The following TACC2 variants were observed in gnomAD, a reference collection of about 807,000 sequenced individuals.
The protein encoded by TACC2 is transforming acidic coiled-coil-containing protein 2.
A neutral mutation model predicts 227.3 loss-of-function variants in TACC2; 137 were observed. The ratio of observed to expected loss-of-function variants is 0.60; its 90% confidence interval spans 0.52 to 0.69. TACC2 has a LOEUF of 0.69. Ranked by LOEUF, TACC2 falls within the 30% of genes least tolerant of loss-of-function variation. The pLI is 0.00. For synonymous variants in TACC2, 1,523 were observed against 1,487.5 expected (o/e 1.02, Z -0.55); for missense variants, 3,470 against 3,694.4 (o/e 0.94, Z 1.57).
At chr10:122,148,190 G>A (rs981017583) in intron 7 of TACC2, among the ~76,000 whole-genome samples, 1 of 144,760 alleles carries the variant, frequency 6.9e-6, no homozygotes, top group African/African-American at 2.6e-5. Context: ...TGCAACTTCC[G>A]CCTCCCGGGT....
At chr10:122,017,955 C>CTT (rs199883119) in intron 1 of TACC2, among the ~76,000 whole-genome samples, 32 of 129,934 alleles carry the variant, frequency 2.5e-4, no homozygotes, top group Non-Finnish European at 4.0e-4. Flanking sequence ...TAGTGGAATT[C>CTT]TTTTTTTTTT....
chr10:122,223,048 T>G (rs887660430), intron 11 of TACC2, among the ~76,000 whole-genome samples: 2 of 137,074 alleles, frequency 1.5e-5, no homozygotes, highest in Non-Finnish European at 3.0e-5. Context: ...TCTCTCTCTC[T>G]CTCTCTTTTT....
At chr10:122,048,549 G>C (rs2075320849) in intron 2 of TACC2, among the ~76,000 whole-genome samples, 1 of 150,784 alleles carries the variant, frequency 6.6e-6, no homozygotes, top group Non-Finnish European at 1.5e-5. Context: ...TGTAGAGATG[G>C]GTTTCTCCAT....
At chr10:122,060,774 G>A (rs2076699108) in intron 3 of TACC2, among the ~76,000 whole-genome samples, 1 of 152,230 alleles carries the variant, frequency 6.6e-6, no homozygotes. Flanking sequence ...GGAGGCCAAG[G>A]TGGGCGGATC....
At chr10:122,073,588 C>A (rs992575335) in intron 3 of TACC2, among the ~76,000 whole-genome samples, 1 of 152,110 alleles carries the variant, frequency 6.6e-6, no homozygotes, top group African/African-American at 2.4e-5. Context: ...CTACTAAAAG[C>A]TCTACTGAGA....
chr10:122,139,880 C>G (rs1476498810), intron 6 of TACC2, among the ~76,000 whole-genome samples: 1 of 152,224 alleles, frequency 6.6e-6, no homozygotes, highest in Non-Finnish European at 1.5e-5. Flanking sequence ...CTGGGCCACT[C>G]TGGTGTTTGT....
At chr10:122,156,072 T>G (rs1465679946) in intron 7 of TACC2, among the ~76,000 whole-genome samples, 1 of 151,392 alleles carries the variant, frequency 6.6e-6, no homozygotes, top group Non-Finnish European at 1.5e-5. Flanking sequence ...CTCCTGACCT[T>G]GTGATCCGCC....
chr10:122,069,253 T>A (rs2077751784), intron 3 of TACC2, among the ~76,000 whole-genome samples: 1 of 152,160 alleles, frequency 6.6e-6, no homozygotes, highest in African/African-American at 2.4e-5. Context: ...TATTTTTTTT[T>A]TTTTTTGAGA....
At position 122,211,607 on chromosome 10, in the gene TACC2, C is replaced by T. The variant is rs928356195; in HGVS notation, c.7182C>T (p.Ser2394=). The change falls in exon 9 of 23, where the codon TCC becomes TCT. Residue 2394 remains serine, a synonymous_variant. Transcript: ENST00000369005. ...SSKTPSSPSK[S]PASFEIPASA... is the part of the protein sequence containing the mutation. ...AGACCCCCAGCTCACCTTCTAAATC[C>T]CCAGCCTCCTTTGAGATCCCAGCCA... The T allele has an allele frequency of 3.7e-6, 6 of 1,613,836 alleles. No homozygotes were observed. The highest frequency in any genetic ancestry group is 2.2e-5 in the South Asian group (2 of 91,002).
At chr10:122,148,521 C>T (rs991981554) in intron 7 of TACC2, among the ~76,000 whole-genome samples, 17 of 152,218 alleles carry the variant, frequency 1.1e-4, no homozygotes, top group Non-Finnish European at 1.6e-4. Flanking sequence ...GGGTGTTATG[C>T]GCAGGCAGCT....
At position 122,005,546 on chromosome 10, in the gene TACC2, G is replaced by A. The variant is rs188237690; in HGVS notation, c.-46+16058G>A. ...ACTACAGGCGCTCACCACCACGCCC[G>A]GCTGATTTTTTGTATTTTTAGTAGA... On this transcript the variant is annotated intron_variant, in intron 1 of 22. Coordinates refer to ENST00000369005, the MANE Select transcript of TACC2 (RefSeq NM_206862.4). Among the ~76,000 whole-genome samples the A allele has an allele frequency of 2.9e-3, 431 of 148,168 alleles. 5 individuals carry two copies. The highest frequency in any genetic ancestry group is 9.7e-3 in the African/African-American group (389 of 40,074).
chr10:122,250,911 CTTTTTTTTTTTTTT>C (rs56383359), intron 22 of TACC2, among the ~76,000 whole-genome samples: 2 of 47,508 alleles, frequency 4.2e-5, no homozygotes, highest in South Asian at 1.2e-3. Context: ...TATTTTCATT[CTTTTTTTTTTTTTT>C]TTTTTTTTTT....
chr10:122,171,399 A>T (rs545629260), intron 7 of TACC2, among the ~76,000 whole-genome samples: 2 of 152,332 alleles, frequency 1.3e-5, no homozygotes, highest in Non-Finnish European at 2.9e-5. Context: ...CCGGAGCCCT[A>T]CTGACAGGCA....
chr10:122,244,600 T>C (rs2096070237), intron 19 of TACC2, among the ~76,000 whole-genome samples: 1 of 152,158 alleles, frequency 6.6e-6, no homozygotes, highest in Admixed American at 6.5e-5. Context: ...GGTCAGGGTC[T>C]CTCCATGCTT....
In TACC2 at chr10:122,195,114, C is replaced by G; in HGVS notation, c.5909C>G (p.Pro1970Arg). Residue 1970 changes from proline (P) to arginine (R), a missense_variant, in exon 8 of 23, where the codon CCA becomes CGA. Transcript: ENST00000369005. ...GTCAAAGCTCCGCCAGCTCCACCCC[C>G]ACCACCCCCCGAAGTCATCCCAGAA... ...TPVKAPPAPPPPPPEVIPEPE... is the reference protein window; with the variant it reads ...TPVKAPPAPPRPPPEVIPEPE... 6.2e-7 allele frequency: 1 copy of G among 1,611,408 alleles called. No homozygotes were observed. The highest frequency in any genetic ancestry group is 1.1e-5 in the South Asian group (1 of 90,952).
intron 7 of TACC2, among the ~76,000 whole-genome samples, chr10:122,173,447 A>G (rs549160360): frequency 1.8e-4 from 28 of 152,380 alleles, no homozygotes; most frequent in African/African-American, 6.7e-4. Flanking sequence ...AGCTCAGATC[A>G]GTCTCCTGCC....
chr10:122,206,446 C>T (rs536448998), intron 8 of TACC2, among the ~76,000 whole-genome samples: 43 of 152,280 alleles, frequency 2.8e-4, no homozygotes, highest in African/African-American at 1.0e-3. Flanking sequence ...GGGTGGGGCC[C>T]TAAGCCCATG....
At chr10:122,058,597 C>T (rs868531877) in intron 3 of TACC2, among the ~76,000 whole-genome samples, 3 of 152,030 alleles carry the variant, frequency 2.0e-5, no homozygotes, top group Admixed American at 6.6e-5. Context: ...TTAGTAGAGA[C>T]GGGGTTTCAC....
At chr10:122,011,137 C>A (rs1439513514) in intron 1 of TACC2, among the ~76,000 whole-genome samples, 1 of 152,090 alleles carries the variant, frequency 6.6e-6, no homozygotes, top group Non-Finnish European at 1.5e-5. Flanking sequence ...CACCACTGAC[C>A]ATTACCCAGT....
Sources: gnomAD v4.1 joint callset for allele counts (sites outside exome capture counted in the v4.1 genomes callset) on GRCh38, gnomAD v4.1.1 for gene constraint, MANE v1.5 for transcripts, NCBI Gene and HGNC (gene_info 2026-07-23, HGNC 2026-07-21) for gene names.